The following RANBP17 variants were observed in gnomAD, a reference collection of about 807,000 sequenced individuals.
The protein encoded by RANBP17 is ran-binding protein 17.
In RANBP17, 158 loss-of-function variants were observed where a neutral mutation model predicts 141.2. The observed-to-expected ratio is 1.12, with a 90% CI of 0.98 to 1.28. RANBP17 has a LOEUF of 1.28. Among genes scored for constraint, RANBP17 ranks in the 50% most tolerant of loss-of-function variants. The pLI is 0.00. For missense variants in RANBP17, 1,438 were observed against 1,290.7 expected (o/e 1.11, Z -1.75); for synonymous variants, 430 against 450.0 (o/e 0.96, Z 0.56).
chr5:171,267,483 C>T (rs936729381), intron 25 of RANBP17, among the ~76,000 whole-genome samples: 4 of 151,936 alleles, frequency 2.6e-5, no homozygotes, highest in African/African-American at 7.3e-5. Flanking sequence ...GCTATATGAC[C>T]GTTAGGGAGC....
intron 11 of RANBP17, among the ~76,000 whole-genome samples, chr5:170,922,927 A>G (rs1166938299): frequency 2.6e-5 from 4 of 152,152 alleles, no homozygotes; most frequent in African/African-American, 7.2e-5. Flanking sequence ...TGCAGACCAG[A>G]GCTGTTCCTA....
chr5:171,162,310 G>C (rs183879242), intron 14 of RANBP17, among the ~76,000 whole-genome samples: 4 of 152,292 alleles, frequency 2.6e-5, no homozygotes, highest in Admixed American at 6.5e-5. Context: ...TTGGCTTTCA[G>C]CTGGTTGCAC....
Position 171,216,855 on chromosome 5 carries a change from A to G in RANBP17, c.2339+3117A>G, listed in dbSNP as rs903480746. Among the ~76,000 whole-genome samples, 40 of 152,314 alleles carry G rather than the reference A, an allele frequency of 2.6e-4. 1 individual carries two copies. Among genetic ancestry groups the G allele is most frequent in the South Asian group, 2.1e-4 (1 of 4,828 alleles). On this transcript the variant is annotated intron_variant, in intron 21 of 27. Coordinates refer to ENST00000523189, the MANE Select transcript of RANBP17 (RefSeq NM_022897.5). ...TAAATATACAATCATGTCATCGGCAAACAGAGACAATTTGACTTCCTGTCT... is the reference window on the plus strand; with the variant it reads ...TAAATATACAATCATGTCATCGGCAGACAGAGACAATTTGACTTCCTGTCT...
chr5:171,220,019 A>C (rs1763453720), intron 21 of RANBP17, among the ~76,000 whole-genome samples: 1 of 152,032 alleles, frequency 6.6e-6, no homozygotes, highest in Admixed American at 6.6e-5. Flanking sequence ...GTTTTTCCTC[A>C]TCTTCGTGTA....
intron 14 of RANBP17, among the ~76,000 whole-genome samples, chr5:171,004,347 G>A (rs536879671): frequency 5.9e-5 from 9 of 152,172 alleles, no homozygotes; most frequent in African/African-American, 1.4e-4. Flanking sequence ...CAGATAATTC[G>A]GTTAAAATGT....
chr5:171,088,812 A>C, intron 14 of RANBP17, among the ~76,000 whole-genome samples: 1 of 152,122 alleles, frequency 6.6e-6, no homozygotes, highest in Non-Finnish European at 1.5e-5. Flanking sequence ...TTTCAGCTCC[A>C]TCAGCTCCTT....
intron 12 of RANBP17, among the ~76,000 whole-genome samples, chr5:170,925,775 G>A (rs1039866748): frequency 4.6e-5 from 5 of 108,188 alleles, no homozygotes; most frequent in Admixed American, 3.1e-4. Flanking sequence ...ATTTCTCAAC[G>A]TTATACAAAT....
intron 25 of RANBP17, among the ~76,000 whole-genome samples, chr5:171,288,310 G>T (rs1445011260): frequency 3.3e-5 from 5 of 152,176 alleles, no homozygotes; most frequent in Admixed American, 2.0e-4. Context: ...GGCGCCAAGG[G>T]TGTCTGAATG....
At chr5:171,062,255 T>G (rs1046811646) in intron 14 of RANBP17, among the ~76,000 whole-genome samples, 2 of 152,328 alleles carry the variant, frequency 1.3e-5, no homozygotes, top group East Asian at 3.9e-4. Context: ...TTCCTAGCCT[T>G]GATGGTCTTT....
Position 171,148,410 on chromosome 5 carries a change from T to A in RANBP17, c.1711-21720T>A, listed in dbSNP as rs865821388. ...TAAAAAAATAAATTTAAAAAAAAAA[T>A]TTTTAATCTCAGATATTAAATGACT... On this transcript the variant is annotated intron_variant, in intron 14 of 27. Transcript: ENST00000523189. 2.6e-3 allele frequency among the ~76,000 whole-genome samples: 399 copies of A among 151,866 alleles called. 4 individuals are homozygous for A. Among genetic ancestry groups the A allele is most frequent in the Middle Eastern group, 0.024 (7 of 294 alleles).
chr5:171,061,364 T>C (rs2127672514), intron 14 of RANBP17, among the ~76,000 whole-genome samples: 1 of 152,300 alleles, frequency 6.6e-6, no homozygotes, highest in South Asian at 2.1e-4. Flanking sequence ...ATGTTGTGTC[T>C]TTGTTCTCAT....
chr5:171,198,378 G>T (rs935829108), intron 18 of RANBP17, among the ~76,000 whole-genome samples: 1 of 152,172 alleles, frequency 6.6e-6, no homozygotes, highest in African/African-American at 2.4e-5. Flanking sequence ...CAATTCTGTT[G>T]TACTCCTGAA....
At chr5:171,055,910 A>AAAAAAG (rs1783332327) in intron 14 of RANBP17, among the ~76,000 whole-genome samples, 1 of 141,686 alleles carries the variant, frequency 7.1e-6, no homozygotes, top group Admixed American at 7.2e-5. Context: ...AAAAAAAAAC[A>AAAAAAG]TTCTTATTAC....
At position 170,956,360 on chromosome 5, in the gene RANBP17, A is replaced by T. The variant is rs781679614; in HGVS notation, c.1574+2658A>T. 8.3e-4 allele frequency among the ~76,000 whole-genome samples: 127 copies of T among 152,226 alleles called. 1 individual carries two copies. Among genetic ancestry groups the T allele is most frequent in the Non-Finnish European group, 1.7e-3 (114 of 68,004 alleles). ...GAATTTATTGTACTTTTGGATAAAAAATTTCATTTTGTTCCATTTCCTTTT... is the reference window on the plus strand; with the variant it reads ...GAATTTATTGTACTTTTGGATAAAATATTTCATTTTGTTCCATTTCCTTTT... On this transcript the variant is annotated intron_variant, in intron 13 of 27. Transcript: ENST00000523189.
chr5:171,006,198 G>A (rs1293427902), intron 14 of RANBP17, among the ~76,000 whole-genome samples: 11 of 152,122 alleles, frequency 7.2e-5, no homozygotes, highest in African/African-American at 4.8e-5. Flanking sequence ...CGATTCCTTC[G>A]GGATCTAGAA....
intron 14 of RANBP17, among the ~76,000 whole-genome samples, chr5:171,127,574 A>T (rs181117277): frequency 9.2e-5 from 14 of 152,352 alleles, no homozygotes; most frequent in Admixed American, 5.9e-4. Context: ...CTCAAAGAAG[A>T]CATACAAATA....
rs1764861466 is a variant in RANBP17, at chr5:171,241,238, T to C, written c.2637+96T>C. ...TATAATGAAGCCCAGGGAGTTAGCCTAGAACATTTTATGTTTTAAGACAGC... is the reference window on the plus strand; with the variant it reads ...TATAATGAAGCCCAGGGAGTTAGCCCAGAACATTTTATGTTTTAAGACAGC... On this transcript the variant is annotated intron_variant, in intron 23 of 27. Coordinates refer to ENST00000523189, the MANE Select transcript of RANBP17 (RefSeq NM_022897.5). The C allele has an allele frequency of 4.5e-6, 4 of 885,668 alleles. No individual in the cohort carries two copies. The East Asian group carries it at 9.8e-5, about 22-fold the overall frequency. The allele number at this position is 885,668 out of a possible 1,614,324, so 54.9% of individuals were successfully genotyped here.
chr5:171,028,598 T>G (rs1781369303), intron 14 of RANBP17, among the ~76,000 whole-genome samples: 1 of 152,214 alleles, frequency 6.6e-6, no homozygotes, highest in Non-Finnish European at 1.5e-5. Context: ...AATCTTTTGA[T>G]TATTGATCTT....
intron 16 of RANBP17, among the ~76,000 whole-genome samples, chr5:171,172,713 C>A (rs1760186306): frequency 6.6e-6 from 1 of 151,516 alleles, no homozygotes; most frequent in African/African-American, 2.4e-5. Flanking sequence ...TTTAGATTTA[C>A]CCTATTTTTT....
Sources: gnomAD v4.1 joint callset for allele counts (sites outside exome capture counted in the v4.1 genomes callset) on GRCh38, gnomAD v4.1.1 for gene constraint, MANE v1.5 for transcripts, NCBI Gene and HGNC (gene_info 2026-07-23, HGNC 2026-07-21) for gene names.